Variants in ZNF705G observed in about 807,000 individuals in gnomAD.
ZNF705G encodes the protein putative zinc finger protein 705G.
Under a neutral mutation model 19.6 loss-of-function variants are expected in ZNF705G, and 23 were observed. That is an observed-to-expected ratio of 1.17 (90% CI 0.84 to 1.66). The LOEUF (loss-of-function observed/expected upper bound fraction) is 1.66, where lower values mean the gene tolerates loss of function less well. ZNF705G is among the 40% of genes most tolerant of loss of function. ZNF705G has a pLI of 0.00. For synonymous variants in ZNF705G, 146 were observed against 117.7 expected, an observed-to-expected ratio of 1.24 and a Z score of -1.56; for missense variants, 457 against 354.4, an observed-to-expected ratio of 1.29 and a Z score of -2.32.
At chr8:7,364,451 C>T (rs1225784132) in intron 2 of ZNF705G, among the ~76,000 whole-genome samples, 1 of 149,552 alleles carries the variant, frequency 6.7e-6, no homozygotes, top group African/African-American at 2.6e-5. Flanking sequence ...CATAATAACC[C>T]TGCTGATTAC....
At position 7,360,297 on chromosome 8, in the gene ZNF705G, G is replaced by A; in HGVS notation, c.175C>T (p.Leu59=). The change falls in exon 5 of 7, where the codon CTG becomes TTG. Residue 59 remains leucine, a synonymous_variant. Transcript: ENST00000400156. ...QISKSYIILQ[L]EQGKELWREG... ...CTCCACAGCTCTTTTCCTTGCTCCA[G>A]CTGCAAAATTATATAGGATTTGCTT... The A allele has an allele frequency of 6.3e-7, 1 of 1,590,916 alleles. No homozygotes were observed. Among genetic ancestry groups the A allele is most frequent in the Non-Finnish European group, 8.5e-7 (1 of 1,178,960 alleles).
intron 2 of ZNF705G, among the ~76,000 whole-genome samples, chr8:7,379,432 G>C (rs1219487662): frequency 6.8e-6 from 1 of 147,372 alleles, no homozygotes; most frequent in South Asian, 2.1e-4. Flanking sequence ...TCCTCTCATT[G>C]CTAGGAGGCG....
chr8:7,363,789 C>G (rs769612471), intron 2 of ZNF705G, among the ~76,000 whole-genome samples: 2 of 149,366 alleles, frequency 1.3e-5, no homozygotes, highest in Non-Finnish European at 2.9e-5. Flanking sequence ...CCACTGCACT[C>G]CAGCGAGGGT....
At chr8:7,385,093 G>C (rs1807669487) in intron 1 of ZNF705G, among the ~76,000 whole-genome samples, 2 of 147,632 alleles carry the variant, frequency 1.4e-5, no homozygotes, top group Admixed American at 1.3e-4. Flanking sequence ...CAGCAATAGA[G>C]CTTGAGGTTC....
chr8:7,381,049 A>C (rs1197197231), intron 2 of ZNF705G, among the ~76,000 whole-genome samples: 3 of 137,666 alleles, frequency 2.2e-5, no homozygotes, highest in Admixed American at 6.9e-5. Context: ...AAAAAAAAAA[A>C]AAAACACAAC....
In ZNF705G at chr8:7,363,306, T is replaced by C. The variant is rs1481575777; in HGVS notation, c.-71-289A>G. On this transcript the variant is annotated intron_variant, in intron 2 of 6. Transcript: ENST00000400156. ...AAGTCCAGATATTCAATTCCCTCAC[T>C]GATTTTAAAACACAGGGATCCCTGA... Among the ~76,000 whole-genome samples, 88 of 148,308 alleles carry C rather than the reference T, an allele frequency of 5.9e-4. 1 individual carries two copies. The highest frequency in any genetic ancestry group is 1.8e-3 in the Admixed American group (27 of 15,210).
rs145029417 is a variant in ZNF705G, at chr8:7,369,376, C to T, written c.-71-6359G>A. Among the ~76,000 whole-genome samples, 760 of 149,356 alleles carry T rather than the reference C, an allele frequency of 5.1e-3. 80 individuals carry two copies. Among genetic ancestry groups the T allele is most frequent in the African/African-American group, 0.018 (692 of 38,788 alleles). On this transcript the variant is annotated intron_variant, in intron 2 of 6. Transcript: ENST00000400156. ...ACAGCAGTGCAGAGGGAAAATGTGG[C>T]GTTGGAACCCCCACAGAGTCCACAC...
chr8:7,360,779 A>T (rs1381939675), intron 4 of ZNF705G, among the ~76,000 whole-genome samples: 2 of 149,622 alleles, frequency 1.3e-5, no homozygotes, highest in Non-Finnish European at 2.9e-5. Context: ...AGACTAAAGC[A>T]GAAGAGTTAT....
intron 6 of ZNF705G, 108 bp from the exon 7 acceptor site, chr8:7,358,668 G>T (rs931151735): frequency 1.3e-6 from 2 of 1,516,078 alleles, no homozygotes; most frequent in African/African-American, 3.1e-5. Context: ...GACCCCAGTT[G>T]AAAGCTTTCC....
intron 2 of ZNF705G, among the ~76,000 whole-genome samples, chr8:7,370,254 C>A (rs1807041967): frequency 7.2e-6 from 1 of 138,012 alleles, no homozygotes; most frequent in Non-Finnish European, 1.5e-5. Context: ...CTGTGTGACA[C>A]ACCGAGACTC....
Position 7,381,995 on chromosome 8 carries a change from T to A in ZNF705G, c.-221-394A>T, listed in dbSNP as rs551309772. Among the ~76,000 whole-genome samples, 2 of 152,334 alleles carry A rather than the reference T, an allele frequency of 1.3e-5. 1 individual carries two copies. The highest frequency in any genetic ancestry group is 4.1e-4 in the South Asian group (2 of 4,824). On this transcript the variant is annotated intron_variant, in intron 1 of 6. Coordinates refer to ENST00000400156, the MANE Select transcript of ZNF705G (RefSeq NM_001164457.3). ...CAGAAGCAGCAGTTTATTGCACTTT[T>A]GTTTCATTTTAGCCAATTTCTACAT...
chr8:7,362,875 A>C (rs1806671715), intron 3 of ZNF705G, 60 bp downstream of exon 3: 1 of 1,572,126 alleles, frequency 6.4e-7, no homozygotes, highest in Non-Finnish European at 8.6e-7. Flanking sequence ...ATTGGAGAAA[A>C]CTGCCCATTT....
intron 2 of ZNF705G, among the ~76,000 whole-genome samples, chr8:7,367,051 G>T (rs149333387): frequency 2.0e-5 from 3 of 149,612 alleles, no homozygotes; most frequent in Admixed American, 6.6e-5. Context: ...CTTGGAGGAG[G>T]CAGTTAAAAT....
At chr8:7,359,075 A>G (rs1256774854) in intron 6 of ZNF705G, among the ~76,000 whole-genome samples, 1 of 149,624 alleles carries the variant, frequency 6.7e-6, no homozygotes, top group Non-Finnish European at 1.5e-5. Flanking sequence ...ACTGAGCCAG[A>G]AAAATGCATG....
At chr8:7,366,511 T>C (rs1181620232) in intron 2 of ZNF705G, among the ~76,000 whole-genome samples, 1 of 149,596 alleles carries the variant, frequency 6.7e-6, no homozygotes, top group Admixed American at 6.6e-5. Context: ...GAATCTAACA[T>C]CTGAAAATCA....
At chr8:7,360,457 A>C in intron 4 of ZNF705G, 125 bp from the exon 5 acceptor site, 2 of 1,448,928 alleles carry the variant, frequency 1.4e-6, no homozygotes, top group Non-Finnish European at 1.9e-6. Context: ...CACAAGACCT[A>C]GAACACAGAA....
chr8:7,384,305 A>T (rs1219754080), intron 1 of ZNF705G, among the ~76,000 whole-genome samples: 4 of 145,450 alleles, frequency 2.8e-5, no homozygotes, highest in African/African-American at 1.1e-4. Flanking sequence ...GAAAAAAAAA[A>T]ATCTTAGGAG....
chr8:7,359,059 A>T (rs1187047703), intron 6 of ZNF705G, among the ~76,000 whole-genome samples: 1 of 149,618 alleles, frequency 6.7e-6, no homozygotes, highest in Non-Finnish European at 1.5e-5. Context: ...AAAAAAATCC[A>T]GATTCACTGA....
chr8:7,367,434 A>T (rs1455421969), intron 2 of ZNF705G, among the ~76,000 whole-genome samples: 15 of 149,546 alleles, frequency 1.0e-4, no homozygotes, highest in Admixed American at 9.9e-4. Flanking sequence ...GCATGTTAAG[A>T]GACAAAAATG....
Sources: allele counts gnomAD v4.1 joint callset (sites outside exome capture counted in the v4.1 genomes callset), GRCh38; gene constraint gnomAD v4.1.1; transcripts MANE v1.5; gene names NCBI Gene and HGNC (gene_info 2026-07-23, HGNC 2026-07-21).